Variants in RIPK2 observed in about 807,000 individuals in gnomAD.
The protein encoded by RIPK2 is receptor-interacting serine/threonine-protein kinase 2.
A neutral mutation model predicts 60.9 loss-of-function variants in RIPK2; 38 were observed. The observed-to-expected ratio is 0.62, with a 90% CI of 0.48 to 0.82. The LOEUF (loss-of-function observed/expected upper bound fraction) is 0.82, where lower values mean the gene tolerates loss of function less well. Ranked by LOEUF, RIPK2 falls within the 40% of genes least tolerant of loss-of-function variation. RIPK2 has a pLI of 0.00. For missense variants in RIPK2, 518 were observed against 647.0 expected (o/e 0.80, Z 2.16); for synonymous variants, 225 against 223.4 (o/e 1.01, Z -0.06).
At chr8:89,764,692 C>T (rs55914077) in intron 2 of RIPK2, among the ~76,000 whole-genome samples, 8,764 of 152,052 alleles carry the variant, frequency 0.058, 778 homozygotes, top group African/African-American at 0.19. Flanking sequence ...CTGTTCTATA[C>T]AGTTTTAGAA....
chr8:89,779,899 A>C (rs39506), intron 6 of RIPK2, among the ~76,000 whole-genome samples, 176 bp from the exon 7 acceptor site: 99,980 of 152,086 alleles, frequency 0.66, 34,670 homozygotes, highest in African/African-American at 0.89. Context: ...GATTCTCAAC[A>C]CTATTCCATT....
intron 5 of RIPK2, among the ~76,000 whole-genome samples, 182 bp from the exon 6 acceptor site, chr8:89,772,485 C>T (rs1485385107): frequency 6.6e-6 from 1 of 151,966 alleles, no homozygotes; most frequent in African/African-American, 2.4e-5. Context: ...AAACTCATTC[C>T]ATAGGAATCA....
chr8:89,765,022 ACT>A (rs1809203614), intron 2 of RIPK2, among the ~76,000 whole-genome samples: 1 of 152,052 alleles, frequency 6.6e-6, no homozygotes, highest in African/African-American at 2.4e-5. Context: ...TAAGTATATG[ACT>A]CTGGCTATAT....
At chr8:89,760,118 C>T (rs1255632707) in intron 1 of RIPK2, among the ~76,000 whole-genome samples, 1 of 152,158 alleles carries the variant, frequency 6.6e-6, no homozygotes, top group African/African-American at 2.4e-5. Context: ...TGAGGCTATG[C>T]AGTTGACTCA....
chr8:89,766,093 A>T (rs1249404749), intron 3 of RIPK2, among the ~76,000 whole-genome samples: 1 of 151,902 alleles, frequency 6.6e-6, no homozygotes, highest in Non-Finnish European at 1.5e-5. Flanking sequence ...AAGTGGAATC[A>T]TATAGTATGT....
chr8:89,762,894 C>A lies in RIPK2; in HGVS notation c.239C>A (p.Pro80Gln). The A allele has an allele frequency of 6.5e-7, 1 of 1,542,720 alleles. No individual in the cohort carries two copies. Among genetic ancestry groups the A allele is most frequent in the Non-Finnish European group, 8.8e-7 (1 of 1,137,308 alleles). The change falls in exon 2 of 11, where the codon CCA (proline) becomes CAA (glutamine). Residue 80 changes from proline (P) to glutamine (Q), a missense_variant. Physicochemically the swap from Pro to Gln is moderately conservative, Grantham distance 76. This residue lies in a region of RIPK2 where 448 missense variants were observed against 534.7 expected (regional missense o/e 0.84). Coordinates refer to ENST00000220751, the MANE Select transcript of RIPK2 (RefSeq NM_003821.6). Reference protein sequence around the residue: ...LHKARFSYILPILGICNEPEF... With the variant: ...LHKARFSYILQILGICNEPEF... ...AAAGCTAGATTTAGTTACATTCTTC[C>A]AATTTTGGGAATTTGCAATGAGCCT... is the stretch of plus-strand genomic sequence containing the variant.
chr8:89,760,776 A>G (rs43225), intron 1 of RIPK2, among the ~76,000 whole-genome samples: 99,971 of 152,092 alleles, frequency 0.66, 34,651 homozygotes, highest in African/African-American at 0.89. Flanking sequence ...AGTGACTGAC[A>G]TGTAATAGGG....
chr8:89,757,818 T>C lies in RIPK2; in HGVS notation c.-243T>C. The C allele has an allele frequency of 1.7e-5, 21 of 1,246,506 alleles. No individual in the cohort carries two copies. Among genetic ancestry groups the C allele is most frequent in the Non-Finnish European group, 2.1e-5 (21 of 993,026 alleles). 77.2% of individuals were successfully genotyped at this position (1,246,506 alleles called of 1,614,324 possible). ...CCGGGGCTGCGAGAGAGGAAGCTCT[T>C]TCGCGGCGCTACGGCGTTGGCACCA... On this transcript the variant is annotated 5_prime_UTR_variant, in exon 1 of 11. Coordinates refer to ENST00000220751, the MANE Select transcript of RIPK2 (RefSeq NM_003821.6).
At chr8:89,771,271 C>T (rs1052400003) in intron 4 of RIPK2, among the ~76,000 whole-genome samples, 7 of 151,776 alleles carry the variant, frequency 4.6e-5, no homozygotes, top group African/African-American at 1.7e-4. Context: ...ACCATTTATT[C>T]TAATTATAAA....
intron 4 of RIPK2, 119 bp from the exon 5 acceptor site, chr8:89,771,622 T>C: frequency 1.6e-6 from 1 of 610,634 alleles, no homozygotes; most frequent in Admixed American, 3.4e-5. Context: ...AGTAATTCTT[T>C]GCTGCCTTAT....
chr8:89,780,131 G>T lies in RIPK2; in HGVS notation c.910G>T (p.Glu304Ter). ...LRTFEEITFL[E>*]AVIQLKKTKL... is the part of the protein sequence containing the mutation. ...AACATTTGAAGAGATAACTTTTCTT[G>T]AAGCTGTTATTCAGCTAAAGAAAAC... Residue 304 changes from glutamate to a stop codon, truncating the protein, a stop_gained, in exon 7 of 11, where the codon GAA becomes TAA. Coordinates refer to ENST00000220751, the MANE Select transcript of RIPK2 (RefSeq NM_003821.6). LOFTEE classifies it high-confidence loss of function. The T allele has an allele frequency of 1.3e-6, 2 of 1,573,192 alleles. No homozygotes were observed. Among genetic ancestry groups the T allele is most frequent in the South Asian group, 1.2e-5 (1 of 86,128 alleles).
At position 89,784,622 on chromosome 8, in the gene RIPK2, A is replaced by G. The variant is rs1242397765; in HGVS notation, c.1029+483A>G. Among the ~76,000 whole-genome samples the G allele has an allele frequency of 2.0e-5, 3 of 152,298 alleles. No homozygotes were observed. The South Asian group carries it at 6.2e-4, about 32-fold the overall frequency. On this transcript the variant is annotated intron_variant, in intron 8 of 10. Coordinates refer to ENST00000220751, the MANE Select transcript of RIPK2 (RefSeq NM_003821.6). ...GTATGTTCATTTTACAGAATTAGAAAAGTAACATAGATTGAGCATCCCTAA... is the reference window on the plus strand; with the variant it reads ...GTATGTTCATTTTACAGAATTAGAAGAGTAACATAGATTGAGCATCCCTAA...
At chr8:89,767,320 C>A (rs1015925109) in intron 3 of RIPK2, among the ~76,000 whole-genome samples, 1 of 151,512 alleles carries the variant, frequency 6.6e-6, no homozygotes, top group Admixed American at 6.6e-5. Flanking sequence ...TGCTATACTT[C>A]TTTTAATAAC....
In RIPK2 at chr8:89,758,023, A is replaced by G. The variant is rs1809075390; in HGVS notation, c.-38A>G. ...TGGGAGCCTTGGGAGCCGCCGCAGC[A>G]GGGGGCACACCCGGAACCGGCCTGA... is the stretch of plus-strand genomic sequence containing the variant. On this transcript the variant is annotated 5_prime_UTR_variant, in exon 1 of 11. Transcript: ENST00000220751. 10 of 1,519,970 alleles carry G rather than the reference A, an allele frequency of 6.6e-6. No homozygotes were observed. The highest frequency in any genetic ancestry group is 8.9e-6 in the Non-Finnish European group (10 of 1,129,340). The allele number at this position is 1,519,970 out of a possible 1,614,324, so 94.2% of individuals were successfully genotyped here.
chr8:89,765,483 A>C lies in RIPK2; in HGVS notation c.470A>C (p.Glu157Ala). 6.3e-7 allele frequency: 1 copy of C among 1,577,444 alleles called. No homozygotes were observed. Among genetic ancestry groups the C allele is most frequent in the Non-Finnish European group, 8.7e-7 (1 of 1,150,176 alleles). Residue 157 changes from glutamate (E) to alanine (A), a missense_variant, in exon 3 of 11, where the codon GAA (glutamate) becomes GCA (alanine). Physicochemically the swap from Glu to Ala is moderately radical, Grantham distance 107. Coordinates refer to ENST00000220751, the MANE Select transcript of RIPK2 (RefSeq NM_003821.6). ...LKTQNILLDN[E>A]FHVKIADFGL... ...ACTCAGAATATCTTATTGGACAATG[A>C]ATTTCATGTTAAGGTAATTACTTTT...
intron 6 of RIPK2, among the ~76,000 whole-genome samples, chr8:89,779,053 C>T (rs1365329687): frequency 6.6e-6 from 1 of 152,080 alleles, no homozygotes; most frequent in Admixed American, 6.5e-5. Flanking sequence ...TGATGTTAAG[C>T]ATCTTTTCAT....
chr8:89,770,730 C>A (rs1169528360), intron 4 of RIPK2, among the ~76,000 whole-genome samples: 1 of 151,686 alleles, frequency 6.6e-6, no homozygotes, highest in Non-Finnish European at 1.5e-5. Context: ...TACCAGAAAA[C>A]TATATATTTA....
chr8:89,765,460 T>C lies in RIPK2; in HGVS notation c.447T>C (p.Thr149=). 6.3e-7 allele frequency: 1 copy of C among 1,594,348 alleles called. No homozygotes were observed. Among genetic ancestry groups the C allele is most frequent in the Non-Finnish European group, 8.6e-7 (1 of 1,163,172 alleles). ...CTTTACTTCATCATGACTTGAAGACTCAGAATATCTTATTGGACAATGAAT... is the reference window on the plus strand; with the variant it reads ...CTTTACTTCATCATGACTTGAAGACCCAGAATATCTTATTGGACAATGAAT... ...TPPLLHHDLK[T]QNILLDNEFH... is the part of the protein sequence containing the mutation. Residue 149 remains threonine (T), a synonymous_variant, in exon 3 of 11, where the codon ACT becomes ACC. Transcript: ENST00000220751.
At chr8:89,764,336 T>A (rs1004448490) in intron 2 of RIPK2, among the ~76,000 whole-genome samples, 1 of 152,120 alleles carries the variant, frequency 6.6e-6, no homozygotes, top group Non-Finnish European at 1.5e-5. Flanking sequence ...CTCACAAAAT[T>A]CATTGAGAAA....
Sources: gnomAD v4.1 joint callset for allele counts (sites outside exome capture counted in the v4.1 genomes callset) on GRCh38, gnomAD v4.1.1 for gene constraint, gnomAD v4.1.1 regional missense constraint, MANE v1.5 for transcripts, NCBI Gene and HGNC (gene_info 2026-07-23, HGNC 2026-07-21) for gene names.